Variants in LPP observed in about 807,000 individuals in gnomAD.
LPP encodes the protein lipoma-preferred partner.
LPP carries 38 observed loss-of-function variants against 60.4 expected under a neutral mutation model. That is an observed-to-expected ratio of 0.63 (90% CI 0.49 to 0.83). The LOEUF is 0.83. Among genes scored for constraint, LPP ranks in the 40% least tolerant of loss-of-function variants. The pLI is 0.00. For synonymous variants in LPP, 328 were observed against 290.8 expected (o/e 1.13, Z -1.30); for missense variants, 902 against 783.6 (o/e 1.15, Z -1.80).
chr3:188,376,191 G>A (rs1209286895), intron 3 of LPP, among the ~76,000 whole-genome samples: 3 of 152,028 alleles, frequency 2.0e-5, no homozygotes, highest in African/African-American at 7.2e-5. Context: ...GTCGATTTGG[G>A]GTGGAGAGTT....
chr3:188,764,323 A>T (rs558149312), intron 9 of LPP, among the ~76,000 whole-genome samples: 1 of 152,192 alleles, frequency 6.6e-6, no homozygotes, highest in Non-Finnish European at 1.5e-5. Context: ...GTCTTCACAG[A>T]TAAGGAATAA....
chr3:188,255,406 C>A (rs916094631), intron 2 of LPP, among the ~76,000 whole-genome samples: 1 of 152,172 alleles, frequency 6.6e-6, no homozygotes, highest in Non-Finnish European at 1.5e-5. Flanking sequence ...TGGTGCTTTT[C>A]CTCTATGCCT....
At chr3:188,706,415 A>G (rs1229741689) in intron 7 of LPP, among the ~76,000 whole-genome samples, 1 of 152,234 alleles carries the variant, frequency 6.6e-6, no homozygotes, top group Non-Finnish European at 1.5e-5. Flanking sequence ...ATAAAGTCTC[A>G]GGCTAAGGTT....
intron 5 of LPP, among the ~76,000 whole-genome samples, chr3:188,493,547 A>G (rs149936117): frequency 0.015 from 2,200 of 151,376 alleles, 55 homozygotes; most frequent in African/African-American, 0.051. Context: ...TCCTGCCTCA[A>G]CCTCCTAAGT....
At chr3:188,545,860 GT>G (rs1390136317) in intron 6 of LPP, among the ~76,000 whole-genome samples, 2 of 152,096 alleles carry the variant, frequency 1.3e-5, no homozygotes, top group African/African-American at 4.8e-5. Context: ...AAGACAGGGG[GT>G]TAGTCTCCAC....
At chr3:188,573,494 T>TA (rs1833953528) in intron 6 of LPP, among the ~76,000 whole-genome samples, 1 of 152,096 alleles carries the variant, frequency 6.6e-6, no homozygotes, top group South Asian at 2.1e-4. Flanking sequence ...GCCACTGACT[T>TA]ACGTCGTAGC....
intron 4 of LPP, among the ~76,000 whole-genome samples, chr3:188,427,258 T>C (rs1467615590): frequency 6.6e-6 from 1 of 152,240 alleles, no homozygotes; most frequent in Non-Finnish European, 1.5e-5. Flanking sequence ...AATGCTTTTC[T>C]TTATCAATGT....
At chr3:188,768,756 G>C (rs1363696815) in intron 9 of LPP, among the ~76,000 whole-genome samples, 3 of 152,034 alleles carry the variant, frequency 2.0e-5, no homozygotes, top group African/African-American at 7.2e-5. Context: ...GAAATCCCTT[G>C]GGTTCTATTC....
At chr3:188,649,743 A>G (rs908897200) in intron 7 of LPP, among the ~76,000 whole-genome samples, 5 of 152,198 alleles carry the variant, frequency 3.3e-5, no homozygotes, top group African/African-American at 7.2e-5. Flanking sequence ...TGAAACAACT[A>G]TAATTCCTGA....
chr3:188,509,336 CT>C (rs1814516110), intron 5 of LPP, among the ~76,000 whole-genome samples: 1 of 152,180 alleles, frequency 6.6e-6, no homozygotes, highest in Non-Finnish European at 1.5e-5. Flanking sequence ...GGTATTATTG[CT>C]CCCTTATTTC....
chr3:188,194,600 G>A (rs4686478), intron 1 of LPP, among the ~76,000 whole-genome samples: 19,307 of 152,216 alleles, frequency 0.13, 2,137 homozygotes, highest in East Asian at 0.54. Context: ...CACAACTTCT[G>A]TAGTTCTTGA....
chr3:188,325,472 T>C (rs1370735037), intron 2 of LPP, among the ~76,000 whole-genome samples: 4 of 152,174 alleles, frequency 2.6e-5, no homozygotes, highest in African/African-American at 9.7e-5. Context: ...CCCCATTCTT[T>C]AGCTAAAGTA....
chr3:188,811,964 A>G (rs112442494), intron 9 of LPP, among the ~76,000 whole-genome samples: 4 of 151,962 alleles, frequency 2.6e-5, no homozygotes, highest in Admixed American at 6.6e-5. Flanking sequence ...CCCTTCAAGC[A>G]TTTGTCCTTT....
chr3:188,334,131 C>T lies in LPP; in HGVS notation c.-66-7532C>T, dbSNP rs185849460. Among the ~76,000 whole-genome samples the T allele has an allele frequency of 3.3e-5, 5 of 152,310 alleles. No individual in the cohort carries two copies. In the East Asian group the frequency reaches 9.6e-4, roughly 29 times the overall value. ...AGGACATGTGACAAATAACTTTCTG[C>T]TTCTGGCTTATTTCACTTAACATGA... On this transcript the variant is annotated intron_variant, in intron 2 of 11. Coordinates refer to ENST00000617246, the MANE Select transcript of LPP (RefSeq NM_001375462.1).
At chr3:188,470,935 A>G (rs560632454) in intron 4 of LPP, among the ~76,000 whole-genome samples, 1 of 152,278 alleles carries the variant, frequency 6.6e-6, no homozygotes, top group African/African-American at 2.4e-5. Context: ...AAACTTTGAC[A>G]ACAAAGCTTA....
intron 4 of LPP, among the ~76,000 whole-genome samples, chr3:188,442,287 C>G (rs890821114): frequency 3.3e-5 from 5 of 152,112 alleles, no homozygotes; most frequent in Non-Finnish European, 7.4e-5. Context: ...CCACACACCC[C>G]AAGAGGCCCT....
At chr3:188,537,579 T>A (rs1233128418) in intron 6 of LPP, among the ~76,000 whole-genome samples, 1 of 152,188 alleles carries the variant, frequency 6.6e-6, no homozygotes, top group Non-Finnish European at 1.5e-5. Flanking sequence ...AAAGTCTCTG[T>A]CGATTTGTTC....
rs1342207321 is a variant in LPP, at chr3:188,495,082, A to ATATATTT, written c.306+10379_306+10380insATATTTT. On this transcript the variant is annotated intron_variant, in intron 5 of 11. Coordinates refer to ENST00000617246, the MANE Select transcript of LPP (RefSeq NM_001375462.1). ...CAGGATTTTATATATATATATATAT[A>ATATATTT]TTTTATTTATATTTTATTATATATT... Among the ~76,000 whole-genome samples the ATATATTT allele has an allele frequency of 2.1e-4, 20 of 97,246 alleles. 1 individual carries two copies. In the South Asian group the frequency reaches 2.2e-3, roughly 11 times the overall value. The allele number at this position is 97,246 out of a possible 152,430, so 63.8% of individuals were successfully genotyped here. A position where few individuals can be genotyped will look rare whatever the true frequency, so the allele number is the denominator to read the frequency against.
At chr3:188,814,303 A>G (rs1751891706) in intron 9 of LPP, among the ~76,000 whole-genome samples, 1 of 152,184 alleles carries the variant, frequency 6.6e-6, no homozygotes, top group Admixed American at 6.5e-5. Flanking sequence ...CAATAAGGAC[A>G]TAGCTTAGGA....
Sources: gnomAD v4.1 joint callset for allele counts (sites outside exome capture counted in the v4.1 genomes callset) on GRCh38, gnomAD v4.1.1 for gene constraint, MANE v1.5 for transcripts, NCBI Gene and HGNC (gene_info 2026-07-23, HGNC 2026-07-21) for gene names.